The following OTUD7A variants were observed in gnomAD, a reference collection of about 807,000 sequenced individuals.
The protein encoded by OTUD7A is OTU domain-containing protein 7A.
In OTUD7A, 12 loss-of-function variants were observed where a neutral mutation model predicts 65.7. The observed-to-expected ratio is 0.18, with a 90% confidence interval of 0.12 to 0.30. OTUD7A has a LOEUF of 0.30. OTUD7A is among the 10% of genes least tolerant of loss of function. The pLI is 1.00. For synonymous variants in OTUD7A, 641 were observed against 586.3 expected (o/e 1.09, Z -1.35); for missense variants, 1,148 against 1,304.8 (o/e 0.88, Z 1.85).
intron 1 of OTUD7A, among the ~76,000 whole-genome samples, chr15:31,672,571 T>G (rs746098568): frequency 6.6e-6 from 1 of 152,166 alleles, no homozygotes; most frequent in Admixed American, 6.5e-5. Flanking sequence ...TAGTTCCACT[T>G]TACTAAAGCC....
At chr15:31,693,796 G>A (rs1052867686) in intron 1 of OTUD7A, among the ~76,000 whole-genome samples, 5 of 152,176 alleles carry the variant, frequency 3.3e-5, no homozygotes, top group African/African-American at 1.2e-4. Flanking sequence ...CATCAGCCGG[G>A]CTTCCCCAGG....
At chr15:31,628,010 A>G (rs1891016190) in intron 3 of OTUD7A, among the ~76,000 whole-genome samples, 1 of 152,110 alleles carries the variant, frequency 6.6e-6, no homozygotes, top group Non-Finnish European at 1.5e-5. Flanking sequence ...TCAGATGAGT[A>G]GGTTGCAAAA....
rs2041211243 is a variant in OTUD7A, at chr15:31,484,783, G to A, written c.1372-59C>T. 2 of 1,549,722 alleles carry A rather than the reference G, an allele frequency of 1.3e-6. No homozygotes were observed. The highest frequency in any genetic ancestry group is 2.3e-5 in the East Asian group (1 of 43,070). On this transcript the variant is annotated intron_variant, in intron 12 of 12. Coordinates refer to ENST00000307050, the MANE Select transcript of OTUD7A (RefSeq NM_001382637.1). The surrounding 1 kb of genome is among the most constrained non-coding windows in gnomAD (Gnocchi z 4.5). The stretch of plus-strand genomic sequence containing the variant: ...TTAGAGAAGAGCTGTCCACGCGCCA[G>A]CGAGGAAGACACACCTTGCCCCTGT...
intron 3 of OTUD7A, among the ~76,000 whole-genome samples, chr15:31,582,284 T>C (rs1224233723): frequency 6.6e-6 from 1 of 152,230 alleles, no homozygotes; most frequent in African/African-American, 2.4e-5. Flanking sequence ...AGCAAGTCTC[T>C]AGGAAGTTCC....
chr15:31,646,750 A>T (rs1425101568), intron 3 of OTUD7A, among the ~76,000 whole-genome samples: 4 of 152,126 alleles, frequency 2.6e-5, no homozygotes, highest in Non-Finnish European at 5.9e-5. Context: ...TGAGCCACCA[A>T]GCCTGGCCAA....
intron 1 of OTUD7A, among the ~76,000 whole-genome samples, chr15:31,824,599 C>T (rs1399877217): frequency 6.6e-6 from 1 of 152,210 alleles, no homozygotes; most frequent in Non-Finnish European, 1.5e-5. Context: ...AAAATAGCCT[C>T]TTCGACATAG....
At chr15:31,545,379 T>A (rs553589738) in intron 5 of OTUD7A, among the ~76,000 whole-genome samples, 1 of 152,094 alleles carries the variant, frequency 6.6e-6, no homozygotes, top group Admixed American at 6.5e-5. Context: ...TAAGCTGAAA[T>A]AGAGGCTCTC....
chr15:31,807,729 T>C (rs981524012), intron 1 of OTUD7A, among the ~76,000 whole-genome samples: 4 of 152,054 alleles, frequency 2.6e-5, no homozygotes, highest in South Asian at 2.1e-4. Context: ...GGAATTAGTA[T>C]GCTATATTTG....
chr15:31,813,557 T>C (rs779079391), intron 1 of OTUD7A, among the ~76,000 whole-genome samples: 26 of 152,186 alleles, frequency 1.7e-4, no homozygotes, highest in Non-Finnish European at 3.1e-4. Context: ...GTCAAATAAG[T>C]TTGAAGAATA....
At chr15:31,763,624 A>G (rs960334390) in intron 1 of OTUD7A, among the ~76,000 whole-genome samples, 1 of 152,190 alleles carries the variant, frequency 6.6e-6, no homozygotes, top group Non-Finnish European at 1.5e-5. Flanking sequence ...AGAAAATTTG[A>G]CAAACGGTGG....
intron 1 of OTUD7A, among the ~76,000 whole-genome samples, chr15:31,807,829 A>T (rs1047538534): frequency 6.6e-6 from 1 of 152,130 alleles, no homozygotes; most frequent in African/African-American, 2.4e-5. Flanking sequence ...ACCCACAAAT[A>T]CACTGAAGCC....
intron 1 of OTUD7A, among the ~76,000 whole-genome samples, chr15:31,657,872 G>A (rs1014374020): frequency 3.3e-5 from 5 of 152,164 alleles, no homozygotes; most frequent in Middle Eastern, 3.2e-3. Context: ...CAGCCGCTTT[G>A]AACAGCATGA....
chr15:31,870,298 T>G (rs1345415564), intron 1 of OTUD7A, among the ~76,000 whole-genome samples: 1 of 146,998 alleles, frequency 6.8e-6, no homozygotes, highest in African/African-American at 2.5e-5. Flanking sequence ...GAGCCCGCAA[T>G]GCAGACGCGC....
At chr15:31,494,853 G>A (rs917899354) in intron 10 of OTUD7A, among the ~76,000 whole-genome samples, 3 of 152,244 alleles carry the variant, frequency 2.0e-5, no homozygotes, top group African/African-American at 4.8e-5. Flanking sequence ...GCCCCTCTCA[G>A]AAGCGGTTTT....
chr15:31,776,733 G>A (rs1248389921), intron 1 of OTUD7A, among the ~76,000 whole-genome samples: 1 of 152,100 alleles, frequency 6.6e-6, no homozygotes. Flanking sequence ...AGGAACCGGG[G>A]GTCCTTACTC....
intron 3 of OTUD7A, among the ~76,000 whole-genome samples, chr15:31,628,525 G>A (rs1209363377): frequency 5.9e-5 from 9 of 152,086 alleles, no homozygotes; most frequent in Admixed American, 5.9e-4. Context: ...GTCAGGTAGG[G>A]TGATGCCTCC....
At chr15:31,590,306 T>C (rs1889681687) in intron 3 of OTUD7A, among the ~76,000 whole-genome samples, 1 of 152,232 alleles carries the variant, frequency 6.6e-6, no homozygotes. Context: ...TGAACTTTAA[T>C]ATTTGTGCAA....
In OTUD7A at chr15:31,481,468, G is replaced by T. The variant is rs956485091; in HGVS notation, c.*1826C>A. On this transcript the variant is annotated 3_prime_UTR_variant, in exon 13 of 13. Transcript: ENST00000307050. ...CACTTTTGTTTTCTGAGTAATAAAA[G>T]AAACCCCAGTAATATTAGGGACATG... 3.9e-5 allele frequency: 6 copies of T among 152,094 alleles called. No homozygotes were observed. Among genetic ancestry groups the T allele is most frequent in the Admixed American group, 1.3e-4 (2 of 15,274 alleles). The allele number at this position is 152,094 out of a possible 1,614,324, so 9.4% of individuals were successfully genotyped here.
chr15:31,532,579 A>G (rs1566906990), intron 5 of OTUD7A, among the ~76,000 whole-genome samples: 2 of 152,010 alleles, frequency 1.3e-5, no homozygotes, highest in Admixed American at 6.6e-5. Flanking sequence ...AACATGTGGG[A>G]CTGCGACAAA....
Sources: allele counts gnomAD v4.1 joint callset (sites outside exome capture counted in the v4.1 genomes callset), GRCh38; gene constraint gnomAD v4.1.1; non-coding constraint Gnocchi (gnomAD v3.1); transcripts MANE v1.5; gene names NCBI Gene and HGNC (gene_info 2026-07-23, HGNC 2026-07-21).